Variants in MYO5C observed in about 807,000 individuals in gnomAD.
MYO5C encodes myosin VC, also known as unconventional myosin-Vc.
Under a neutral mutation model 235.7 loss-of-function variants are expected in MYO5C, and 194 were observed. The observed-to-expected ratio is 0.82, with a 90% confidence interval of 0.73 to 0.93. The LOEUF (loss-of-function observed/expected upper bound fraction) is 0.93. Ranked by LOEUF, MYO5C falls within the 40% of genes least tolerant of loss-of-function variation. The pLI, the probability that MYO5C is intolerant of heterozygous loss-of-function variation, is 0.00. For missense variants in MYO5C, 2,038 were observed against 2,127.2 expected (o/e 0.96, Z 0.82); for synonymous variants, 707 against 754.8 (o/e 0.94, Z 1.04).
intron 18 of MYO5C, 72 bp from the exon 19 acceptor site, chr15:52,244,639 GC>G (rs2036300569): frequency 9.2e-7 from 1 of 1,092,444 alleles, no homozygotes; most frequent in Non-Finnish European, 1.3e-6. Flanking sequence ...TTGGAAAAGA[GC>G]TTTAGGGATT....
At chr15:52,244,076 G>A (rs10152383) in intron 19 of MYO5C, among the ~76,000 whole-genome samples, 25,899 of 152,088 alleles carry the variant, frequency 0.17, 4,141 homozygotes, top group East Asian at 0.62. Flanking sequence ...CTGAGCTTCC[G>A]GAACCCTGAC....
intron 1 of MYO5C, among the ~76,000 whole-genome samples, chr15:52,287,901 G>A (rs533361837): frequency 3.3e-5 from 5 of 152,028 alleles, no homozygotes; most frequent in South Asian, 2.1e-4. Flanking sequence ...GCTTGAACCC[G>A]AGAGGCGGAG....
intron 14 of MYO5C, 100 bp downstream of exon 14, chr15:52,248,599 CA>C: frequency 1.2e-6 from 1 of 852,082 alleles, no homozygotes; most frequent in Non-Finnish European, 1.9e-6. Flanking sequence ...CACACACACA[CA>C]CACACACTCT....
chr15:52,202,443 G>C (rs1009450322), intron 38 of MYO5C, among the ~76,000 whole-genome samples: 9 of 152,108 alleles, frequency 5.9e-5, no homozygotes, highest in African/African-American at 2.2e-4. Context: ...GGGTACCTGG[G>C]GGGCAGGTGT....
chr15:52,260,967 T>A lies in MYO5C; in HGVS notation c.1208A>T (p.Lys403Ile), dbSNP rs1297605579. Reference protein sequence around the residue: ...QAVNARDALAKKIYAHLFDFI... With the variant: ...QAVNARDALAIKIYAHLFDFI... ...GTCGAACAGGTGAGCATAGATCTTT[T>A]TGGCCAGTGCATCCCTGGCGTTGAC... The change falls in exon 10 of 41, where the codon AAA becomes ATA. Residue 403 changes from lysine to isoleucine, a missense_variant. Coordinates refer to ENST00000261839, the MANE Select transcript of MYO5C (RefSeq NM_018728.4). 6.2e-7 allele frequency: 1 copy of A among 1,614,102 alleles called. No homozygotes were observed. The highest frequency in any genetic ancestry group is 8.5e-7 in the Non-Finnish European group (1 of 1,180,038).
At chr15:52,202,918 AT>A (rs199690225) in intron 38 of MYO5C, among the ~76,000 whole-genome samples, 1 of 105,026 alleles carries the variant, frequency 9.5e-6, no homozygotes, top group African/African-American at 2.9e-5. Context: ...GGTACATGAA[AT>A]TTTTTTTTGT....
intron 30 of MYO5C, 149 bp downstream of exon 30, chr15:52,221,013 T>C (rs17541016): frequency 0.05 from 30,369 of 610,958 alleles, 909 homozygotes; most frequent in East Asian, 0.1. Flanking sequence ...TTCCCATATC[T>C]TTCAACTAGC....
In MYO5C at chr15:52,192,927, G is replaced by A. The variant is rs2034964807; in HGVS notation, c.*975C>T. ...GAAGTTCTTTCAGAGAAGATAAACG[G>A]CATGGCAATTAAGCTTTAATAATAT... On this transcript the variant is annotated 3_prime_UTR_variant, in exon 41 of 41. Coordinates refer to ENST00000261839, the MANE Select transcript of MYO5C (RefSeq NM_018728.4). 1 of 152,088 alleles carries A rather than the reference G, an allele frequency of 6.6e-6. No homozygotes were observed. The highest frequency in any genetic ancestry group is 6.6e-5 in the Admixed American group (1 of 15,264). 9.4% of individuals were successfully genotyped at this position (152,088 alleles called of 1,614,324 possible). A position where few individuals can be genotyped will look rare whatever the true frequency, so the allele number is the denominator to read the frequency against.
chr15:52,256,643 T>A lies in MYO5C; in HGVS notation c.1391A>T (p.Asn464Ile). The A allele has an allele frequency of 6.3e-7, 1 of 1,583,478 alleles. No individual in the cohort carries two copies. The highest frequency in any genetic ancestry group is 1.4e-5 in the African/African-American group (1 of 73,852). Residue 464 changes from asparagine to isoleucine, a missense_variant, in exon 11 of 41, where the codon AAC becomes ATC. Asn to Ile is a moderately radical substitution (Grantham distance 149). Coordinates refer to ENST00000261839, the MANE Select transcript of MYO5C (RefSeq NM_018728.4). ...YANEKLQQQFNMHVFKLEQEE... is the reference protein window; with the variant it reads ...YANEKLQQQFIMHVFKLEQEE... ...GAAGGCAGAAAGGTCACCTACCATG[T>A]TAAACTGTTGTTGCAGTTTTTCATT...
At chr15:52,222,754 T>C (rs1246273541) in intron 29 of MYO5C, among the ~76,000 whole-genome samples, 1 of 152,162 alleles carries the variant, frequency 6.6e-6, no homozygotes, top group Non-Finnish European at 1.5e-5. Context: ...GATGGCTTTT[T>C]GAATGAGGAG....
At chr15:52,259,665 T>C (rs753800033) in intron 10 of MYO5C, among the ~76,000 whole-genome samples, 1 of 152,246 alleles carries the variant, frequency 6.6e-6, no homozygotes, top group Non-Finnish European at 1.5e-5. Context: ...GACTAGGCTA[T>C]CCCAGTAATG....
rs1243957401 is a variant in MYO5C at position 52,193,677 on chromosome 15, G to A, written c.*225C>T. On this transcript the variant is annotated 3_prime_UTR_variant, in exon 41 of 41. Transcript: ENST00000261839. ...TCAGTGAAAACCAGCTGAGATTCGA[G>A]AGTGAGACATGGCTTTTCCAAATAC... 2 of 493,992 alleles carry A rather than the reference G, an allele frequency of 4.0e-6. No individual in the cohort carries two copies. The highest frequency in any genetic ancestry group is 7.0e-6 in the Non-Finnish European group (2 of 283,698). 30.6% of individuals were successfully genotyped at this position (493,992 alleles called of 1,614,324 possible).
At chr15:52,283,602 G>C (rs2037203388) in intron 1 of MYO5C, among the ~76,000 whole-genome samples, 1 of 152,074 alleles carries the variant, frequency 6.6e-6, no homozygotes, top group Non-Finnish European at 1.5e-5. Flanking sequence ...ACCCCCAATT[G>C]ACTATATCTG....
intron 1 of MYO5C, among the ~76,000 whole-genome samples, chr15:52,291,048 G>C (rs1241903037): frequency 6.6e-6 from 1 of 152,176 alleles, no homozygotes; most frequent in East Asian, 1.9e-4. Context: ...AACTTGCCTG[G>C]TGTCACCCAG....
chr15:52,263,852 A>G (rs1158938344), intron 9 of MYO5C, among the ~76,000 whole-genome samples: 1 of 152,058 alleles, frequency 6.6e-6, no homozygotes, highest in Non-Finnish European at 1.5e-5. Context: ...CCTACCCTTG[A>G]TCATAAGCTC....
At chr15:52,202,628 C>G (rs995643517) in intron 38 of MYO5C, among the ~76,000 whole-genome samples, 1 of 152,140 alleles carries the variant, frequency 6.6e-6, no homozygotes, top group African/African-American at 2.4e-5. Flanking sequence ...CAGAGGACTA[C>G]AGGATCTGCT....
chr15:52,219,870 C>A lies in MYO5C; in HGVS notation c.3722-48G>T, dbSNP rs750816476. ...TACTTTGGGGGGGCACATATCACTG[C>A]ATTCTGATTTGGGTTTGGTATTATT... On this transcript the variant is annotated intron_variant, in intron 30 of 40. Transcript: ENST00000261839. 2.8e-6 allele frequency: 4 copies of A among 1,434,248 alleles called. No individual in the cohort carries two copies. In the Admixed American group the frequency reaches 7.0e-5, roughly 25 times the overall value. The allele number at this position is 1,434,248 out of a possible 1,614,324, so 88.8% of individuals were successfully genotyped here.
chr15:52,271,504 C>T (rs930762163), intron 7 of MYO5C, among the ~76,000 whole-genome samples: 1 of 152,182 alleles, frequency 6.6e-6, no homozygotes, highest in Non-Finnish European at 1.5e-5. Flanking sequence ...GCTGGGATTA[C>T]AGGTGTGAGC....
At chr15:52,208,452 G>A in intron 36 of MYO5C, 102 bp downstream of exon 36, 1 of 1,006,222 alleles carries the variant, frequency 9.9e-7, no homozygotes, top group Non-Finnish European at 1.5e-6. Context: ...TGTGCTGTTG[G>A]CCTCCTGGTG....
Sources: allele counts gnomAD v4.1 joint callset (sites outside exome capture counted in the v4.1 genomes callset), GRCh38; gene constraint gnomAD v4.1.1; transcripts MANE v1.5; gene names NCBI Gene and HGNC (gene_info 2026-07-23, HGNC 2026-07-21).